The following MYBL2 variants were observed in gnomAD, a reference collection of about 807,000 sequenced individuals.
The protein encoded by MYBL2 is myb-related protein B.
In MYBL2, 28 loss-of-function variants were observed where a neutral mutation model predicts 79.9. That is an observed-to-expected ratio of 0.35 (90% CI 0.26 to 0.48). The LOEUF is 0.48. Ranked by LOEUF, MYBL2 falls within the 20% of genes least tolerant of loss-of-function variation. The probability of loss-of-function intolerance (pLI) is 0.99; values close to 1 mark genes in which losing one functional copy is unlikely to be tolerated. For missense variants in MYBL2, 735 were observed against 893.9 expected (o/e 0.82, Z 2.27); for synonymous variants, 378 against 361.2 (o/e 1.05, Z -0.53).
intron 8 of MYBL2, 111 bp downstream of exon 8, chr20:43,703,014 G>A (rs1209349753): frequency 1.6e-6 from 2 of 1,228,312 alleles, no homozygotes. Flanking sequence ...TGCAGCTTAT[G>A]CTCTGGTAGG....
chr20:43,694,160 G>A (rs1258575927), intron 6 of MYBL2, among the ~76,000 whole-genome samples: 1 of 151,882 alleles, frequency 6.6e-6, no homozygotes, highest in Non-Finnish European at 1.5e-5. Context: ...GTGAAACCCC[G>A]TCTCTACTAA....
chr20:43,716,133 TGGGGGC>T lies in MYBL2; in HGVS notation c.*47_*52del. 2 of 1,596,686 alleles carry T rather than the reference TGGGGGC, an allele frequency of 1.3e-6. No homozygotes were observed. Among genetic ancestry groups the T allele is most frequent in the Non-Finnish European group, 1.7e-6 (2 of 1,178,156 alleles). ...CCCATTCTCATGTTTACAGGGGTTG[TGGGGGC>T]AGAGGGGGTCTGTGAATCTGAGAGT... On this transcript the variant is annotated 3_prime_UTR_variant, in exon 14 of 14. Coordinates refer to ENST00000217026, the MANE Select transcript of MYBL2 (RefSeq NM_002466.4).
Position 43,705,368 on chromosome 20 carries a change from G to C in MYBL2, c.1505+10G>C, listed in dbSNP as rs1001547708. The C allele has an allele frequency of 6.3e-7, 1 of 1,597,996 alleles. No homozygotes were observed. Among genetic ancestry groups the C allele is most frequent in the African/African-American group, 1.3e-5 (1 of 74,692 alleles). ...ACCAGAAACATGCTGCGTGAGTGCT[G>C]CAGTGCCCCCAACCTTCGCCGTCCT... On this transcript the variant is annotated intron_variant, in intron 9 of 13. Coordinates refer to ENST00000217026, the MANE Select transcript of MYBL2 (RefSeq NM_002466.4).
chr20:43,714,334 C>G (rs1035774903), intron 12 of MYBL2, among the ~76,000 whole-genome samples: 5 of 152,304 alleles, frequency 3.3e-5, no homozygotes, highest in Admixed American at 1.3e-4. Flanking sequence ...TGTTTCTGGT[C>G]CCAGGAAAAC....
intron 4 of MYBL2, among the ~76,000 whole-genome samples, chr20:43,683,844 G>A (rs1245289438): frequency 2.6e-5 from 4 of 151,880 alleles, no homozygotes; most frequent in African/African-American, 9.7e-5. Flanking sequence ...GTGAGCCACC[G>A]TGCCTGGCCT....
At position 43,711,565 on chromosome 20, in the gene MYBL2, C is replaced by T. The variant is rs199783964; in HGVS notation, c.1683C>T (p.Asp561=). 28 of 1,613,242 alleles carry T rather than the reference C, an allele frequency of 1.7e-5. No homozygotes were observed. The highest frequency in any genetic ancestry group is 1.3e-4 in the African/African-American group (10 of 74,884). Residue 561 remains aspartate, a synonymous_variant, in exon 11 of 14, where the codon GAC becomes GAT. Transcript: ENST00000217026. ...SEAGIELIIE[D]DIRPEKQKRK... Reference sequence around the variant, plus strand: ...CTGGCATCGAACTCATCATCGAGGACGACATCAGGCCCGAGAAGCAGAAGA... The same window carrying T: ...CTGGCATCGAACTCATCATCGAGGATGACATCAGGCCCGAGAAGCAGAAGA...
chr20:43,702,435 T>A, intron 7 of MYBL2, 55 bp from the exon 8 acceptor site: 1 of 1,504,712 alleles, frequency 6.6e-7, no homozygotes, highest in Non-Finnish European at 9.0e-7. Context: ...AATGAATGAG[T>A]CCTCTTGTAT....
At chr20:43,687,718 AAAT>A (rs778493308) in intron 5 of MYBL2, among the ~76,000 whole-genome samples, 16 of 152,088 alleles carry the variant, frequency 1.1e-4, no homozygotes, top group Non-Finnish European at 2.4e-4. Context: ...ATAGTTATTA[AAAT>A]AATAATGTTT....
At chr20:43,715,058 T>C (rs1600568999) in intron 12 of MYBL2, 76 bp from the exon 13 acceptor site, 2 of 1,551,598 alleles carry the variant, frequency 1.3e-6, no homozygotes, top group Non-Finnish European at 1.8e-6. Flanking sequence ...GGTGCTGGGG[T>C]GGGATTGCGG....
chr20:43,679,389 T>C (rs1010541075), intron 2 of MYBL2, among the ~76,000 whole-genome samples: 7 of 152,240 alleles, frequency 4.6e-5, no homozygotes, highest in African/African-American at 1.4e-4. Context: ...AATCTACCCC[T>C]TAACCATCTT....
Position 43,673,905 on chromosome 20 carries a change from T to A in MYBL2, c.114+6T>A. ...TCAAATGGACCCATGAGGAGGTGAG[T>A]GCCATGGGGAAGAGAGGGTTGATGG... On this transcript the variant is annotated splice_donor_region_variant and intron_variant, in intron 2 of 13. Transcript: ENST00000217026. The A allele has an allele frequency of 6.5e-7, 1 of 1,548,430 alleles. No homozygotes were observed. Among genetic ancestry groups the A allele is most frequent in the Non-Finnish European group, 8.7e-7 (1 of 1,144,272 alleles).
At chr20:43,715,401 A>G (rs1411958865) in intron 13 of MYBL2, 118 bp downstream of exon 13, 16 of 1,503,312 alleles carry the variant, frequency 1.1e-5, no homozygotes, top group Non-Finnish European at 1.4e-5. Context: ...GGGCCTTTGC[A>G]TAGGCTGTTC....
chr20:43,669,241 A>T (rs1057485224), intron 1 of MYBL2, among the ~76,000 whole-genome samples: 1 of 152,032 alleles, frequency 6.6e-6, no homozygotes, highest in Non-Finnish European at 1.5e-5. Context: ...GCTTCCAGGG[A>T]TTCTCCCCCA....
intron 4 of MYBL2, among the ~76,000 whole-genome samples, 167 bp downstream of exon 4, chr20:43,683,053 G>C (rs1412262246): frequency 2.0e-5 from 3 of 152,158 alleles, no homozygotes; most frequent in Non-Finnish European, 4.4e-5. Flanking sequence ...CTCCAGCCCT[G>C]AGATTCCAAG....
intron 9 of MYBL2, among the ~76,000 whole-genome samples, chr20:43,708,236 A>G (rs1987832576): frequency 6.6e-6 from 1 of 152,118 alleles, no homozygotes; most frequent in South Asian, 2.1e-4. Context: ...ACTAGCTGAG[A>G]ACACAGGTGT....
rs746709523 is a variant in MYBL2, at chr20:43,692,286, C to T, written c.630C>T (p.Asp210=). 45 of 1,614,050 alleles carry T rather than the reference C, an allele frequency of 2.8e-5. No individual in the cohort carries two copies. In the East Asian group the frequency reaches 3.6e-4, roughly 13 times the overall value. ...VYLLLELEDK[D]GLQSAQPTEG... ...TGCTGCTGGAGCTCGAGGACAAGGA[C>T]GGCCTCCAGAGTGCCCAGCCCACGG... Residue 210 remains aspartate (D), a synonymous_variant, in exon 6 of 14, where the codon GAC becomes GAT. Transcript: ENST00000217026.
In MYBL2 at chr20:43,711,498, C is replaced by T. The variant is rs1286405223; in HGVS notation, c.1616C>T (p.Pro539Leu). 2.5e-6 allele frequency: 4 copies of T among 1,612,646 alleles called. No individual in the cohort carries two copies. The highest frequency in any genetic ancestry group is 3.4e-6 in the Non-Finnish European group (4 of 1,179,446). The change falls in exon 11 of 14, where the codon CCG becomes CTG. Residue 539 changes from proline to leucine, a missense_variant. Pro to Leu is a moderately conservative substitution (Grantham distance 98). This residue lies in a region of MYBL2 where 243 missense variants were observed against 327.2 expected (regional missense o/e 0.74). Transcript: ENST00000217026. ...YGPLKPLPQTPHLEEDLKEVL... is the reference protein window; with the variant it reads ...YGPLKPLPQTLHLEEDLKEVL... ...CGTGCCTACCCACAGCCACAGACCCCGCACCTGGAGGAGGACTTGAAGGAG... is the reference window on the plus strand; with the variant it reads ...CGTGCCTACCCACAGCCACAGACCCTGCACCTGGAGGAGGACTTGAAGGAG...
At chr20:43,704,307 C>T (rs573810820) in intron 8 of MYBL2, among the ~76,000 whole-genome samples, 5 of 152,284 alleles carry the variant, frequency 3.3e-5, no homozygotes, top group Admixed American at 6.5e-5. Flanking sequence ...TGAGCCACCG[C>T]GCCTGGCCTA....
intron 1 of MYBL2, among the ~76,000 whole-genome samples, chr20:43,668,697 T>C (rs1368868606): frequency 6.6e-6 from 1 of 150,646 alleles, no homozygotes; most frequent in East Asian, 2.0e-4. Context: ...TTTTTTTTTT[T>C]TTTTTTTTGA....
Sources: allele counts gnomAD v4.1 joint callset (sites outside exome capture counted in the v4.1 genomes callset), GRCh38; gene constraint gnomAD v4.1.1; regional missense constraint gnomAD v4.1.1; transcripts MANE v1.5; gene names NCBI Gene and HGNC (gene_info 2026-07-23, HGNC 2026-07-21).